IGSF11: variants seen among roughly 807,000 people sequenced by gnomAD.
IGSF11 encodes immunoglobulin superfamily member 11, also known as CXADR like 1.
A neutral mutation model predicts 41.0 loss-of-function variants in IGSF11; 22 were observed. The observed-to-expected ratio is 0.54, with a 90% confidence interval of 0.38 to 0.77. The LOEUF is 0.77. Among genes scored for constraint, IGSF11 ranks in the 30% least tolerant of loss-of-function variants. The pLI is 0.00. For synonymous variants in IGSF11, 219 were observed against 201.3 expected (o/e 1.09, Z -0.74); for missense variants, 444 against 530.8 (o/e 0.84, Z 1.61).
rs566413873 is a variant in IGSF11 at position 118,996,984 on chromosome 3, G to C, written c.52+37547C>G. Among the ~76,000 whole-genome samples the C allele has an allele frequency of 7.9e-5, 12 of 152,316 alleles. No homozygotes were observed. In the East Asian group the frequency reaches 2.3e-3, roughly 29 times the overall value. On this transcript the variant is annotated intron_variant, in intron 1 of 6. Coordinates refer to ENST00000393775, the MANE Select transcript of IGSF11 (RefSeq NM_001015887.3). ...AAATATTTTTTAAAAGAACAAAAAA[G>C]AAAGGATCAGGCCTAGAGTAAGATG... is the stretch of plus-strand genomic sequence containing the variant.
chr3:119,032,846 C>T (rs960578432), intron 1 of IGSF11, among the ~76,000 whole-genome samples: 5 of 152,238 alleles, frequency 3.3e-5, no homozygotes, highest in African/African-American at 1.2e-4. Context: ...TGCAGACACT[C>T]ACACGCGTCT....
At chr3:119,133,911 T>A (rs1392203996) in intron 1 of IGSF11, among the ~76,000 whole-genome samples, 2 of 152,208 alleles carry the variant, frequency 1.3e-5, no homozygotes, top group Admixed American at 6.5e-5. Flanking sequence ...GCAAGGCTGA[T>A]TCAACATATG....
intron 1 of IGSF11, among the ~76,000 whole-genome samples, chr3:119,077,545 A>T (rs1034832685): frequency 6.6e-6 from 1 of 152,208 alleles, no homozygotes; most frequent in Admixed American, 6.5e-5. Flanking sequence ...AATAAGAGCC[A>T]TCTATGACAA....
intron 1 of IGSF11, among the ~76,000 whole-genome samples, chr3:118,939,347 A>G (rs1008308446): frequency 6.6e-6 from 1 of 152,116 alleles, no homozygotes; most frequent in African/African-American, 2.4e-5. Flanking sequence ...ACGCCAAGGC[A>G]GGTGGATCAC....
intron 1 of IGSF11, among the ~76,000 whole-genome samples, chr3:119,104,403 T>C (rs2076987682): frequency 6.6e-6 from 1 of 152,182 alleles, no homozygotes; most frequent in Non-Finnish European, 1.5e-5. Flanking sequence ...TATGTTCTTC[T>C]CTTTGCCTGG....
chr3:118,925,692 T>A (rs977684074), intron 4 of IGSF11, among the ~76,000 whole-genome samples: 1 of 152,168 alleles, frequency 6.6e-6, no homozygotes, highest in African/African-American at 2.4e-5. Context: ...CTAACCAGAT[T>A]TGAGGCTGAA....
At chr3:119,051,444 A>T (rs1041829004) in intron 1 of IGSF11, among the ~76,000 whole-genome samples, 2 of 152,196 alleles carry the variant, frequency 1.3e-5, no homozygotes, top group African/African-American at 4.8e-5. Flanking sequence ...CTAAATATAC[A>T]TGCACCTAAC....
At chr3:119,062,713 C>T (rs1483499051) in intron 1 of IGSF11, among the ~76,000 whole-genome samples, 9 of 152,094 alleles carry the variant, frequency 5.9e-5, no homozygotes, top group Non-Finnish European at 1.0e-4. Context: ...TTTCTGGGTC[C>T]TATATTGATT....
chr3:119,104,956 C>T (rs2076997665), intron 1 of IGSF11, among the ~76,000 whole-genome samples: 1 of 152,120 alleles, frequency 6.6e-6, no homozygotes, highest in Admixed American at 6.5e-5. Context: ...TGACACATAG[C>T]AAGGGCTCAA....
upstream of IGSF11, among the ~76,000 whole-genome samples, chr3:119,037,288 C>A (rs1940952449): frequency 6.6e-6 from 1 of 152,108 alleles, no homozygotes; most frequent in Admixed American, 6.5e-5. Flanking sequence ...TGCTTTCACA[C>A]CTATTATCTG....
At chr3:118,936,675 G>C (rs1297118393) in intron 1 of IGSF11, among the ~76,000 whole-genome samples, 3 of 152,084 alleles carry the variant, frequency 2.0e-5, no homozygotes, top group Non-Finnish European at 4.4e-5. Flanking sequence ...ACATAAAAAG[G>C]ATATAAAGTG....
chr3:119,136,272 C>T (rs957421850), intron 1 of IGSF11, among the ~76,000 whole-genome samples: 4 of 151,910 alleles, frequency 2.6e-5, no homozygotes, highest in Admixed American at 2.6e-4. Context: ...GACTACAAAA[C>T]AACCAGAAAA....
At chr3:118,995,747 G>T (rs1485214998) in intron 1 of IGSF11, among the ~76,000 whole-genome samples, 1 of 152,160 alleles carries the variant, frequency 6.6e-6, no homozygotes, top group East Asian at 1.9e-4. Context: ...CCACCTCCTG[G>T]GTTCAAGCGA....
At chr3:119,044,466 T>G (rs1038879285) in intron 1 of IGSF11, among the ~76,000 whole-genome samples, 5 of 152,062 alleles carry the variant, frequency 3.3e-5, no homozygotes, top group Non-Finnish European at 7.4e-5. Flanking sequence ...AAGAGAAATC[T>G]AAAAGTTTGG....
chr3:119,045,466 A>G (rs1032604541), intron 1 of IGSF11, among the ~76,000 whole-genome samples: 37 of 152,204 alleles, frequency 2.4e-4, no homozygotes, highest in African/African-American at 8.7e-4. Context: ...CCATGAGATT[A>G]TATCCCGCAC....
chr3:119,109,616 T>C (rs1387031101), upstream of IGSF11, among the ~76,000 whole-genome samples: 1 of 152,268 alleles, frequency 6.6e-6, no homozygotes, highest in Non-Finnish European at 1.5e-5. Context: ...CTTAGTTATT[T>C]CTTGCCTTCT....
chr3:119,100,712 T>A (rs960047104), intron 1 of IGSF11, among the ~76,000 whole-genome samples: 5 of 152,212 alleles, frequency 3.3e-5, no homozygotes, highest in African/African-American at 1.2e-4. Flanking sequence ...GGCTGGACCA[T>A]GAGACGTTTC....
chr3:119,033,956 G>A (rs1384055338), intron 1 of IGSF11, among the ~76,000 whole-genome samples: 1 of 152,186 alleles, frequency 6.6e-6, no homozygotes, highest in Non-Finnish European at 1.5e-5. Flanking sequence ...TCTATGTATT[G>A]TTGAGAGCCA....
rs1275088377 is a variant in IGSF11 at position 118,915,273 on chromosome 3, T to A, written c.581-9555A>T. On this transcript the variant is annotated intron_variant, in intron 4 of 6. Transcript: ENST00000393775. ...TGGATGGAGAAAGATTTTGACGAGC[T>A]GAGAGAAGAAGGCTTCAGACGATCA... 8.3e-3 allele frequency among the ~76,000 whole-genome samples: 1,157 copies of A among 139,454 alleles called. 28 individuals carry two copies. Among genetic ancestry groups the A allele is most frequent in the East Asian group, 0.052 (248 of 4,770 alleles). The allele number at this position is 139,454 out of a possible 152,430, so 91.5% of individuals were successfully genotyped here.
Sources: allele counts gnomAD v4.1 joint callset (sites outside exome capture counted in the v4.1 genomes callset), GRCh38; gene constraint gnomAD v4.1.1; transcripts MANE v1.5; gene names NCBI Gene and HGNC (gene_info 2026-07-23, HGNC 2026-07-21).